SRPK2: variants seen among roughly 807,000 people sequenced by gnomAD.
SRPK2 encodes the protein SFRS protein kinase 2.
Under a neutral mutation model 90.8 loss-of-function variants are expected in SRPK2, and 21 were observed. That is an observed-to-expected ratio of 0.23 (90% CI 0.16 to 0.33). The LOEUF is 0.33. Ranked by LOEUF, SRPK2 falls within the 10% of genes least tolerant of loss-of-function variation. The probability of loss-of-function intolerance (pLI) is 1.00; values close to 1 mark genes in which losing one functional copy is unlikely to be tolerated. For synonymous variants in SRPK2, 288 were observed against 311.1 expected, an observed-to-expected ratio of 0.93 and a Z score of 0.78; for missense variants, 620 against 869.0, an observed-to-expected ratio of 0.71 and a Z score of 3.60.
intron 2 of SRPK2, among the ~76,000 whole-genome samples, chr7:105,266,767 T>C (rs1010919340): frequency 1.3e-5 from 2 of 152,192 alleles, no homozygotes; most frequent in African/African-American, 4.8e-5. Context: ...GGACAGGATA[T>C]AGTGTTACAA....
chr7:105,355,651 GA>G (rs957829472), intron 2 of SRPK2, among the ~76,000 whole-genome samples: 12 of 151,734 alleles, frequency 7.9e-5, no homozygotes, highest in African/African-American at 2.4e-4. Flanking sequence ...CTGTCTCCAA[GA>G]AAAAAAAGTG....
At chr7:105,385,171 ATT>A (rs767913304) in intron 2 of SRPK2, among the ~76,000 whole-genome samples, 29 of 49,682 alleles carry the variant, frequency 5.8e-4, no homozygotes, top group African/African-American at 2.6e-3. Flanking sequence ...CGCGCCCGGC[ATT>A]TTTTTTTTTT....
intron 2 of SRPK2, among the ~76,000 whole-genome samples, chr7:105,358,068 A>C (rs1329644802): frequency 1.3e-5 from 2 of 151,966 alleles, no homozygotes; most frequent in African/African-American, 2.4e-5. Context: ...TAGTAAAAAT[A>C]CAAAAATTAG....
rs193148987 is a variant in SRPK2 at position 105,268,735 on chromosome 7, A to G, written c.72-64950T>C. 2.6e-6 allele frequency: 4 copies of G among 1,519,848 alleles called. No homozygotes were observed. The Admixed American group carries it at 6.8e-5, about 26-fold the overall frequency. The allele number at this position is 1,519,848 out of a possible 1,614,324, so 94.1% of individuals were successfully genotyped here. A position where few individuals can be genotyped will look rare whatever the true frequency, so the allele number is the denominator to read the frequency against. ...TTATATAGCAAACTTGACAAGAAAAAAAAATATGTCCTGGTTTGTTTCTTA... is the reference window on the plus strand; with the variant it reads ...TTATATAGCAAACTTGACAAGAAAAGAAAATATGTCCTGGTTTGTTTCTTA... On this transcript the variant is annotated intron_variant, in intron 2 of 15. Transcript: ENST00000393651.
chr7:105,305,047 A>G (rs1316657289), intron 2 of SRPK2, among the ~76,000 whole-genome samples: 1 of 152,232 alleles, frequency 6.6e-6, no homozygotes, highest in Non-Finnish European at 1.5e-5. Flanking sequence ...AATAAATATT[A>G]TTCAAAATAC....
intron 3 of SRPK2, among the ~76,000 whole-genome samples, chr7:105,179,553 G>A (rs1792454629): frequency 6.6e-6 from 1 of 152,122 alleles, no homozygotes; most frequent in Non-Finnish European, 1.5e-5. Flanking sequence ...GACCAGGGAT[G>A]GTGGCTAATG....
chr7:105,141,430 C>G (rs1344286754), intron 11 of SRPK2, among the ~76,000 whole-genome samples: 1 of 152,162 alleles, frequency 6.6e-6, no homozygotes, highest in Non-Finnish European at 1.5e-5. Context: ...TTGAATAAGT[C>G]AAGCCTTCTT....
At chr7:105,156,664 C>G (rs1584983269) in intron 7 of SRPK2, among the ~76,000 whole-genome samples, 1 of 152,160 alleles carries the variant, frequency 6.6e-6, no homozygotes, top group South Asian at 2.1e-4. Context: ...TCATACCTGG[C>G]TAATTTTTAA....
intron 2 of SRPK2, among the ~76,000 whole-genome samples, chr7:105,288,938 G>GA (rs1366520837): frequency 2.0e-5 from 3 of 151,950 alleles, no homozygotes; most frequent in Non-Finnish European, 4.4e-5. Flanking sequence ...GAAGCTTTCA[G>GA]AAATTCTAGT....
At chr7:105,351,015 G>A (rs971351234) in intron 2 of SRPK2, among the ~76,000 whole-genome samples, 4 of 152,158 alleles carry the variant, frequency 2.6e-5, no homozygotes, top group Non-Finnish European at 4.4e-5. Context: ...TGAAACTCAC[G>A]TTAAAACTTA....
intron 2 of SRPK2, among the ~76,000 whole-genome samples, chr7:105,269,666 A>G (rs1563172260): frequency 6.6e-6 from 1 of 152,226 alleles, no homozygotes; most frequent in Admixed American, 6.5e-5. Flanking sequence ...TGGAAGGGAG[A>G]TAACAGACTA....
chr7:105,352,744 T>C (rs1817345219), intron 2 of SRPK2, among the ~76,000 whole-genome samples: 1 of 151,986 alleles, frequency 6.6e-6, no homozygotes, highest in Non-Finnish European at 1.5e-5. Context: ...TTACTAAAAA[T>C]ACAAAAATTA....
chr7:105,166,434 A>T (rs957570574), intron 6 of SRPK2, among the ~76,000 whole-genome samples: 3 of 152,192 alleles, frequency 2.0e-5, no homozygotes, highest in Non-Finnish European at 2.9e-5. Flanking sequence ...AAAAGTTCAT[A>T]TTTTTTTCAA....
At chr7:105,149,274 A>G (rs1805174486) in intron 7 of SRPK2, among the ~76,000 whole-genome samples, 1 of 152,226 alleles carries the variant, frequency 6.6e-6, no homozygotes, top group Admixed American at 6.5e-5. Context: ...GTTTGCAGTA[A>G]TGCTGCCTTG....
chr7:105,198,640 A>G (rs971439337), intron 3 of SRPK2, among the ~76,000 whole-genome samples: 2 of 152,216 alleles, frequency 1.3e-5, no homozygotes, highest in Non-Finnish European at 2.9e-5. Context: ...AGCATGAAGT[A>G]CAGATGAGAA....
chr7:105,203,983 A>G (rs1470427151), intron 2 of SRPK2, among the ~76,000 whole-genome samples, 198 bp from the exon 3 acceptor site: 2 of 146,746 alleles, frequency 1.4e-5, no homozygotes, highest in East Asian at 3.9e-4. Flanking sequence ...AAAAAAAAAA[A>G]TCTGCCCTTA....
intron 2 of SRPK2, among the ~76,000 whole-genome samples, chr7:105,219,020 T>C (rs138446898): frequency 3.5e-3 from 538 of 151,696 alleles, no homozygotes; most frequent in Non-Finnish European, 5.9e-3. Flanking sequence ...GCCGCAGAAA[T>C]AGATACTGAC....
chr7:105,363,901 G>A (rs1388740660), intron 2 of SRPK2, among the ~76,000 whole-genome samples: 1 of 152,046 alleles, frequency 6.6e-6, no homozygotes, highest in Admixed American at 6.6e-5. Flanking sequence ...GAATGAATCT[G>A]GAAACCATCA....
intron 2 of SRPK2, among the ~76,000 whole-genome samples, chr7:105,348,115 TC>T (rs1435638662): frequency 6.8e-6 from 1 of 146,298 alleles, no homozygotes; most frequent in Non-Finnish European, 1.5e-5. Flanking sequence ...TCGCTCTTGT[TC>T]CCCAGGCTGG....
Sources: allele counts gnomAD v4.1 joint callset (sites outside exome capture counted in the v4.1 genomes callset), GRCh38; gene constraint gnomAD v4.1.1; transcripts MANE v1.5; gene names NCBI Gene and HGNC (gene_info 2026-07-23, HGNC 2026-07-21).